OCA2: variants seen among roughly 807,000 people sequenced by gnomAD.
OCA2 encodes OCA2 melanosomal transmembrane protein, also known as P protein.
OCA2 carries 77 observed loss-of-function variants against 100.2 expected under a neutral mutation model. The observed-to-expected ratio is 0.77, with a 90% confidence interval of 0.64 to 0.93. OCA2 has a LOEUF of 0.93. OCA2 is among the 40% of genes least tolerant of loss of function. OCA2 has a pLI of 0.00. For missense variants in OCA2, 1,062 were observed against 1,089.1 expected (o/e 0.98, Z 0.35); for synonymous variants, 432 against 439.2 (o/e 0.98, Z 0.21).
Position 27,871,389 on chromosome 15 carries a change from A to G in OCA2, c.2140-131T>C, listed in dbSNP as rs2036568205. 1.8e-5 allele frequency: 13 copies of G among 726,944 alleles called. No homozygotes were observed. The Admixed American group carries it at 2.4e-4, about 13-fold the overall frequency. 45.0% of individuals were successfully genotyped at this position (726,944 alleles called of 1,614,324 possible). On this transcript the variant is annotated intron_variant, in intron 20 of 23. Coordinates refer to ENST00000354638, the MANE Select transcript of OCA2 (RefSeq NM_000275.3). ...TACCCATCACGAGACCAAGGCAGAC[A>G]TAGGTGTGCAAGCCAGGGCCACACC...
chr15:28,047,844 T>C (rs971794234), intron 2 of OCA2, among the ~76,000 whole-genome samples: 2 of 152,232 alleles, frequency 1.3e-5, no homozygotes, highest in Non-Finnish European at 2.9e-5. Flanking sequence ...TTTGCAGACA[T>C]GATCCCATGA....
At position 28,028,051 on chromosome 15, in the gene OCA2, C is replaced by A. The variant is rs562649990; in HGVS notation, c.335G>T (p.Cys112Phe). The A allele has an allele frequency of 1.2e-4, 188 of 1,614,228 alleles. No homozygotes were observed. The highest frequency in any genetic ancestry group is 1.6e-4 in the Non-Finnish European group (184 of 1,180,042). ...GAACTCTGGATGGTAAACAGGTATG[C>A]ACCGTGACCTGGAAAGCAAGAGAGG... ...RNSLQEKGSR[C>F]IPVYHPEFIT... is the part of the protein sequence containing the mutation. The change falls in exon 4 of 24, where the codon TGC becomes TTC. Residue 112 changes from cysteine to phenylalanine, a missense_variant. Cys to Phe is a radical substitution (Grantham distance 205). Transcript: ENST00000354638.
At chr15:27,870,066 G>A (rs2036482689) in intron 21 of OCA2, among the ~76,000 whole-genome samples, 1 of 152,234 alleles carries the variant, frequency 6.6e-6, no homozygotes, top group Non-Finnish European at 1.5e-5. Flanking sequence ...TGCAAGCGAG[G>A]GATGCAGGTT....
intron 5 of OCA2, among the ~76,000 whole-genome samples, chr15:28,024,617 G>A (rs568988203): frequency 2.0e-5 from 3 of 152,314 alleles, no homozygotes; most frequent in Admixed American, 6.5e-5. Context: ...CATGCTGCCC[G>A]GCTTCTGCCG....
At chr15:27,981,704 T>G (rs1567187943) in intron 14 of OCA2, among the ~76,000 whole-genome samples, 1 of 152,168 alleles carries the variant, frequency 6.6e-6, no homozygotes, top group South Asian at 2.1e-4. Flanking sequence ...CTTTCTGGGT[T>G]GTTCTCCCCG....
intron 9 of OCA2, among the ~76,000 whole-genome samples, chr15:27,996,322 C>A (rs929649273): frequency 6.6e-6 from 1 of 152,002 alleles, no homozygotes. Flanking sequence ...GAATTGAAAA[C>A]CACATTGTGC....
chr15:27,961,967 A>C (rs2040424801), intron 15 of OCA2, among the ~76,000 whole-genome samples: 1 of 152,050 alleles, frequency 6.6e-6, no homozygotes, highest in South Asian at 2.1e-4. Context: ...AAATAAAATA[A>C]ATAAAAATAA....
At chr15:27,951,337 C>G (rs1304492056) in intron 18 of OCA2, among the ~76,000 whole-genome samples, 1 of 152,228 alleles carries the variant, frequency 6.6e-6, no homozygotes, top group Non-Finnish European at 1.5e-5. Context: ...CAAGTGGGCC[C>G]TGCAGAGCAC....
rs111572309 is a variant in OCA2 at position 27,829,132 on chromosome 15, G to C, written c.2432+15827C>G. 6.4e-4 allele frequency among the ~76,000 whole-genome samples: 97 copies of C among 152,196 alleles called. 2 individuals are homozygous for C. Among genetic ancestry groups the C allele is most frequent in the African/African-American group, 2.3e-3 (94 of 41,532 alleles). ...ACTGACTTGAAGAAAGAATAAAATC[G>C]ACCTACAACAAGGGCAGAAGTGGCT... On this transcript the variant is annotated intron_variant, in intron 23 of 23. Coordinates refer to ENST00000354638, the MANE Select transcript of OCA2 (RefSeq NM_000275.3).
intron 19 of OCA2, among the ~76,000 whole-genome samples, chr15:27,887,398 G>C (rs1398240856): frequency 6.6e-6 from 1 of 151,372 alleles, no homozygotes; most frequent in African/African-American, 2.4e-5. Flanking sequence ...ATATATCAGG[G>C]GAACATGCCC....
chr15:27,896,637 G>GAAAA (rs2037702155), intron 19 of OCA2: 1 of 56,926 alleles, frequency 1.8e-5, no homozygotes, highest in Non-Finnish European at 2.7e-5. Context: ...CTTATTGACA[G>GAAAA]CAAAAAAAAA....
At chr15:27,890,184 G>A (rs2037397306) in intron 19 of OCA2, among the ~76,000 whole-genome samples, 1 of 152,164 alleles carries the variant, frequency 6.6e-6, no homozygotes, top group Admixed American at 6.5e-5. Flanking sequence ...GGGCAGAGGT[G>A]GAATGGAGCC....
intron 23 of OCA2, among the ~76,000 whole-genome samples, chr15:27,793,751 C>A (rs918813138): frequency 6.6e-6 from 1 of 152,238 alleles, no homozygotes; most frequent in Non-Finnish European, 1.5e-5. Context: ...TGTGCAAGGG[C>A]CTGCCTGGGG....
chr15:27,738,067 GA>G, the OCA2 span, among the ~76,000 whole-genome samples: 1 of 152,156 alleles, frequency 6.6e-6, no homozygotes. Context: ...CTACTGGTGG[GA>G]GTATAAAGTA....
chr15:27,839,868 A>G (rs958033485), intron 23 of OCA2, among the ~76,000 whole-genome samples: 13 of 152,224 alleles, frequency 8.5e-5, no homozygotes, highest in African/African-American at 2.9e-4. Flanking sequence ...AATATGATCA[A>G]ATTTGGTCAC....
intron 1 of OCA2, among the ~76,000 whole-genome samples, chr15:28,098,689 G>T (rs2045030406): frequency 6.6e-6 from 1 of 152,256 alleles, no homozygotes; most frequent in South Asian, 2.1e-4. Flanking sequence ...CAAACCCAGA[G>T]CGTCCACATA....
intron 15 of OCA2, among the ~76,000 whole-genome samples, chr15:27,958,296 CCAA>C (rs1333039766): frequency 2.0e-5 from 3 of 152,216 alleles, no homozygotes; most frequent in East Asian, 1.9e-4. Context: ...AAGCTAGCAC[CCAA>C]CAACATTTCC....
At chr15:27,804,767 C>A (rs886984003) in intron 23 of OCA2, among the ~76,000 whole-genome samples, 3 of 152,196 alleles carry the variant, frequency 2.0e-5, no homozygotes, top group Non-Finnish European at 2.9e-5. Context: ...CCAGGAAAGA[C>A]CAGACAGCTA....
chr15:27,904,404 C>A (rs1208078554), intron 19 of OCA2, among the ~76,000 whole-genome samples: 1 of 152,182 alleles, frequency 6.6e-6, no homozygotes, highest in African/African-American at 2.4e-5. Flanking sequence ...GACGGAAGAA[C>A]TGCACACTAC....
Sources: gnomAD v4.1 joint callset for allele counts (sites outside exome capture counted in the v4.1 genomes callset) on GRCh38, gnomAD v4.1.1 for gene constraint, MANE v1.5 for transcripts, NCBI Gene and HGNC (gene_info 2026-07-23, HGNC 2026-07-21) for gene names.